PLOD3: variants seen among roughly 807,000 people sequenced by gnomAD.
The protein encoded by PLOD3 is procollagen-lysine,2-oxoglutarate 5-dioxygenase 3, also known as multifunctional procollagen lysine hydroxylase and glycosyltransferase LH3.
PLOD3 carries 73 observed loss-of-function variants against 96.9 expected under a neutral mutation model. The observed-to-expected ratio is 0.75, with a 90% CI of 0.62 to 0.92. PLOD3 has a LOEUF of 0.92. Ranked by LOEUF, PLOD3 falls within the 40% of genes least tolerant of loss-of-function variation. The pLI, the probability that PLOD3 is intolerant of heterozygous loss-of-function variation, is 0.00. For synonymous variants in PLOD3, 454 were observed against 413.7 expected, an observed-to-expected ratio of 1.10 and a Z score of -1.18; for missense variants, 1,004 against 1,004.3, an observed-to-expected ratio of 1.00 and a Z score of 0.00.
In PLOD3 at chr7:101,216,540, C is replaced by T. The variant is rs757754232; in HGVS notation, c.208G>A (p.Gly70Ser). The T allele has an allele frequency of 5.6e-6, 9 of 1,614,102 alleles. No individual in the cohort carries two copies. In the South Asian group the frequency reaches 9.9e-5, roughly 18 times the overall value. The change falls in exon 3 of 19, where the codon GGC becomes AGC. Residue 70 changes from glycine to serine, a missense_variant. Transcript: ENST00000223127. ...CCCCCTCGCCACTCCTCTCCCAGGC[C>T]CAGGGTCTGTGGAGAAGATTGCCCC... is the stretch of plus-strand genomic sequence containing the variant. ...EFFNYTVRTL[G>S]LGEEWRGGDV... is the part of the protein sequence containing the mutation.
In PLOD3 at chr7:101,211,638, G is replaced by A; in HGVS notation, c.1311C>T (p.Tyr437=). Residue 437 remains tyrosine (Y), a synonymous_variant, in exon 12 of 19, where the codon TAC becomes TAT. Coordinates refer to ENST00000223127, the MANE Select transcript of PLOD3 (RefSeq NM_001084.5). The part of the protein sequence containing the change: ...NFWGALSPDE[Y]YARSEDYVEL... ...CCACGTAGTCCTCGGAGCGGGCGTA[G>A]TACTCATCGGGGCTCAGGGCGCCCC... 1 of 1,607,054 alleles carries A rather than the reference G, an allele frequency of 6.2e-7. No individual in the cohort carries two copies.
At chr7:101,215,821 A>T in intron 5 of PLOD3, 87 bp downstream of exon 5, 2 of 930,418 alleles carry the variant, frequency 2.1e-6, no homozygotes, top group Non-Finnish European at 3.5e-6. Context: ...TCTCTTTGCA[A>T]CCCCCTTTGC....
rs1798299219 is a variant in PLOD3, at chr7:101,217,510, G to A, written c.-236C>T. On this transcript the variant is annotated 5_prime_UTR_variant, in exon 1 of 19. Coordinates refer to ENST00000223127, the MANE Select transcript of PLOD3 (RefSeq NM_001084.5). ...ATTGTCCCGGGCGCACGGGAGGCGGGGGAGGGGCGGCGGCTCGGGCCGGCG... is the reference window on the plus strand; with the variant it reads ...ATTGTCCCGGGCGCACGGGAGGCGGAGGAGGGGCGGCGGCTCGGGCCGGCG... 3 of 495,816 alleles carry A rather than the reference G, an allele frequency of 6.1e-6. No individual in the cohort carries two copies. Among genetic ancestry groups the A allele is most frequent in the Non-Finnish European group, 1.0e-5 (3 of 286,320 alleles). The allele number at this position is 495,816 out of a possible 1,614,324, so 30.7% of individuals were successfully genotyped here. A position where few individuals can be genotyped will look rare whatever the true frequency, so the allele number is the denominator to read the frequency against.
rs771953251 is a variant in PLOD3 at position 101,208,930 on chromosome 7, G to A, written c.1711C>T (p.Leu571=). 8.1e-6 allele frequency: 13 copies of A among 1,613,722 alleles called. No homozygotes were observed. Among genetic ancestry groups the A allele is most frequent in the South Asian group, 1.1e-5 (1 of 91,080 alleles). Residue 571 remains leucine, a synonymous_variant, in exon 16 of 19, where the codon CTG becomes TTG. Coordinates refer to ENST00000223127, the MANE Select transcript of PLOD3 (RefSeq NM_001084.5). The part of the protein sequence containing the change: ...QPCPDVYWFP[L]LSEQMCDELV... ...TCATCACACATTTGTTCTGACAGCAGTGGGAACCAGTACACGTCCGGGCAT... is the reference window on the plus strand; with the variant it reads ...TCATCACACATTTGTTCTGACAGCAATGGGAACCAGTACACGTCCGGGCAT...
chr7:101,211,326 C>A, intron 12 of PLOD3: 1 of 425,232 alleles, frequency 2.4e-6, no homozygotes, highest in East Asian at 4.3e-5. Flanking sequence ...ACCACAGGCA[C>A]GCACCACCGT....
rs767461920 is a variant in PLOD3 at position 101,212,381 on chromosome 7, G to C, written c.1006-7C>G. ...GGGGTTCATGGAAGACCTCCTGGGA[G>C]GGGAAGACATAGGGGGATGGGCTCA... On this transcript the variant is annotated splice_polypyrimidine_tract_variant and splice_region_variant and intron_variant, in intron 9 of 18. Coordinates refer to ENST00000223127, the MANE Select transcript of PLOD3 (RefSeq NM_001084.5). The C allele has an allele frequency of 1.9e-6, 3 of 1,613,318 alleles. No homozygotes were observed. The highest frequency in any genetic ancestry group is 2.5e-6 in the Non-Finnish European group (3 of 1,179,742).
At chr7:101,207,038 C>T (rs1375386152) in intron 17 of PLOD3, 134 bp from the exon 18 acceptor site, 15 of 1,093,856 alleles carry the variant, frequency 1.4e-5, no homozygotes, top group South Asian at 3.2e-5. Flanking sequence ...GATCTTGGCT[C>T]GATCTTGGCT....
chr7:101,215,781 C>G lies in PLOD3; in HGVS notation c.615+127G>C, dbSNP rs562935745. On this transcript the variant is annotated intron_variant, in intron 5 of 18. Transcript: ENST00000223127. ...CCTCCCAAAAGTCTTGGATGACAGG[C>G]GTGAGCCACCACGCCCAGGCACACA... 7 of 720,342 alleles carry G rather than the reference C, an allele frequency of 9.7e-6. No individual in the cohort carries two copies. The Admixed American group carries it at 1.2e-4, about 12-fold the overall frequency. The allele number at this position is 720,342 out of a possible 1,614,324, so 44.6% of individuals were successfully genotyped here. A position where few individuals can be genotyped will look rare whatever the true frequency, so the allele number is the denominator to read the frequency against.
At chr7:101,210,013 A>G in intron 15 of PLOD3, 80 bp downstream of exon 15, 1 of 695,108 alleles carries the variant, frequency 1.4e-6, no homozygotes, top group African/African-American at 1.8e-5. Context: ...TCAGTGTGAA[A>G]ACTTTGAATC....
At chr7:101,215,309 TTTAA>T (rs1347151428) in intron 5 of PLOD3, among the ~76,000 whole-genome samples, 157 bp from the exon 6 acceptor site, 3 of 152,206 alleles carry the variant, frequency 2.0e-5, no homozygotes, top group Non-Finnish European at 4.4e-5. Flanking sequence ...TGCCTCCCGG[TTTAA>T]TTGATTCTCT....
chr7:101,216,035 G>A lies in PLOD3; in HGVS notation c.503-15C>T. The stretch of plus-strand genomic sequence containing the variant: ...ACCGATGAATCCTGGCGGGGAGGGG[G>A]AGTGTTGACCTCGAGACTCCCAGGG... On this transcript the variant is annotated splice_polypyrimidine_tract_variant and intron_variant, in intron 4 of 18. Transcript: ENST00000223127. 2 of 1,611,448 alleles carry A rather than the reference G, an allele frequency of 1.2e-6. No individual in the cohort carries two copies. The highest frequency in any genetic ancestry group is 1.7e-6 in the Non-Finnish European group (2 of 1,177,550).
In PLOD3 at chr7:101,216,004, G is replaced by A; in HGVS notation, c.519C>T (p.Ala173=). 6.2e-7 allele frequency: 1 copy of A among 1,614,022 alleles called. No individual in the cohort carries two copies. Among genetic ancestry groups the A allele is most frequent in the Non-Finnish European group, 8.5e-7 (1 of 1,179,940 alleles). The stretch of plus-strand genomic sequence containing the variant: ...GGCGCACGATTTGGTGGATGGTGGT[G>A]GCAAAACCGATGAATCCTGGCGGGG... The part of the protein sequence containing the change: ...FLNSGGFIGF[A]TTIHQIVRQW... Residue 173 remains alanine (A), a synonymous_variant, in exon 5 of 19, where the codon GCC becomes GCT. Transcript: ENST00000223127.
chr7:101,211,788 T>TG, intron 11 of PLOD3, 58 bp downstream of exon 11: 3 of 1,581,764 alleles, frequency 1.9e-6, no homozygotes, highest in Non-Finnish European at 2.6e-6. Flanking sequence ...AGGGCAGGAG[T>TG]GGGGTTCCCG....
chr7:101,206,593 G>A (rs1390235722), intron 18 of PLOD3, among the ~76,000 whole-genome samples, 157 bp from the exon 19 acceptor site: 1 of 152,156 alleles, frequency 6.6e-6, no homozygotes, highest in South Asian at 2.1e-4. Context: ...AGGCTGGGGT[G>A]CCTGCAGACA....
rs1798295457 is a variant in PLOD3 at position 101,217,321 on chromosome 7, T to C, written c.-47A>G. ...GCACCCAGGATCCTGGGATCTCCGCTACGCGCCTGGATCCCAGCTCCGGAG... is the reference window on the plus strand; with the variant it reads ...GCACCCAGGATCCTGGGATCTCCGCCACGCGCCTGGATCCCAGCTCCGGAG... On this transcript the variant is annotated 5_prime_UTR_variant, in exon 1 of 19. Transcript: ENST00000223127. 1 of 1,360,726 alleles carries C rather than the reference T, an allele frequency of 7.3e-7. No individual in the cohort carries two copies. The highest frequency in any genetic ancestry group is 3.5e-5 in the Admixed American group (1 of 28,798). 84.3% of individuals were successfully genotyped at this position (1,360,726 alleles called of 1,614,324 possible). A position where few individuals can be genotyped will look rare whatever the true frequency, so the allele number is the denominator to read the frequency against.
Position 101,212,626 on chromosome 7 carries a change from A to T in PLOD3, c.909T>A (p.Phe303Leu), listed in dbSNP as rs746140976. The T allele has an allele frequency of 1.9e-6, 3 of 1,613,944 alleles. No individual in the cohort carries two copies. The South Asian group carries it at 3.3e-5, about 18-fold the overall frequency. ...GCAGAAACGGAGTAGGCTGTTCCACAAACACGGCCAGAAACACCCGGGGGG... is the reference window on the plus strand; with the variant it reads ...GCAGAAACGGAGTAGGCTGTTCCACTAACACGGCCAGAAACACCCGGGGGG... ...QPPPRVFLAV[F>L]VEQPTPFLPR... Residue 303 changes from phenylalanine to leucine, a missense_variant, in exon 9 of 19, where the codon TTT (phenylalanine) becomes TTA (leucine). Phe to Leu is a conservative substitution (Grantham distance 22, BLOSUM62 0). This residue lies in a region of PLOD3 where 690 missense variants were observed against 650.2 expected (regional missense o/e 1.06). Coordinates refer to ENST00000223127, the MANE Select transcript of PLOD3 (RefSeq NM_001084.5).
At position 101,212,937 on chromosome 7, in the gene PLOD3, G is replaced by C. The variant is rs778679655; in HGVS notation, c.784C>G (p.Leu262Val). Reference sequence around the variant, plus strand: ...GGGACGTAGTTTCCCAGGTAGTTGAGCTGCAGCTGTTGGGGACAGACTGAG... The same window carrying C: ...GGGACGTAGTTTCCCAGGTAGTTGACCTGCAGCTGTTGGGGACAGACTGAG... ...VHGNGPTKLQ[L>V]NYLGNYVPNG... Residue 262 changes from leucine (L) to valine (V), a missense_variant, in exon 8 of 19, where the codon CTC (leucine) becomes GTC (valine). Physicochemically the swap from Leu to Val is conservative, Grantham distance 32 (BLOSUM62 1). Coordinates refer to ENST00000223127, the MANE Select transcript of PLOD3 (RefSeq NM_001084.5). The C allele has an allele frequency of 6.2e-7, 1 of 1,612,506 alleles. No individual in the cohort carries two copies.
Position 101,209,303 on chromosome 7 carries a change from C to T in PLOD3, c.1684-346G>A, listed in dbSNP as rs543578733. 2.0e-5 allele frequency among the ~76,000 whole-genome samples: 3 copies of T among 151,878 alleles called. No individual in the cohort carries two copies. In the East Asian group the frequency reaches 5.8e-4, roughly 30 times the overall value. On this transcript the variant is annotated intron_variant, in intron 15 of 18. Coordinates refer to ENST00000223127, the MANE Select transcript of PLOD3 (RefSeq NM_001084.5). ...CTCACTACAGCCTCGACCTTCTGGGCTCAAGCGATCCTCCCGCCTCAGACT... is the reference window on the plus strand; with the variant it reads ...CTCACTACAGCCTCGACCTTCTGGGTTCAAGCGATCCTCCCGCCTCAGACT...
rs1798181273 is a variant in PLOD3, at chr7:101,211,587, TCA to T, written c.1358+2_1358+3del. On this transcript the variant is annotated splice_donor_variant and splice_donor_region_variant and intron_variant, in intron 12 of 18. Coordinates refer to ENST00000223127, the MANE Select transcript of PLOD3 (RefSeq NM_001084.5). LOFTEE classifies it high-confidence loss of function. ...GCGGGGGGCTGCAGGCTGGCGGGAC[TCA>T]CACTCGCTTCCGCTGCACCAGCTCC... 6.3e-7 allele frequency: 1 copy of T among 1,598,128 alleles called. No homozygotes were observed. The highest frequency in any genetic ancestry group is 8.5e-7 in the Non-Finnish European group (1 of 1,173,512).
Sources: gnomAD v4.1 joint callset for allele counts (sites outside exome capture counted in the v4.1 genomes callset) on GRCh38, gnomAD v4.1.1 for gene constraint, gnomAD v4.1.1 regional missense constraint, MANE v1.5 for transcripts, NCBI Gene and HGNC (gene_info 2026-07-23, HGNC 2026-07-21) for gene names.